Variants in CPSF3 observed in about 807,000 individuals in gnomAD.
CPSF3 encodes cleavage and polyadenylation specificity factor subunit 3.
A neutral mutation model predicts 84.1 loss-of-function variants in CPSF3; 57 were observed. That is an observed-to-expected ratio of 0.68 (90% CI 0.55 to 0.85). The LOEUF is 0.85. Among genes scored for constraint, CPSF3 ranks in the 40% least tolerant of loss-of-function variants. The probability of loss-of-function intolerance (pLI) is 0.00; values close to 1 mark genes in which losing one functional copy is unlikely to be tolerated. For synonymous variants in CPSF3, 275 were observed against 278.1 expected (o/e 0.99, Z 0.11); for missense variants, 522 against 838.8 (o/e 0.62, Z 4.66).
rs1280669799 is a variant in CPSF3 at position 9,446,620 on chromosome 2, A to G, written c.1243-1578A>G. On this transcript the variant is annotated intron_variant, in intron 10 of 17. Coordinates refer to ENST00000238112, the MANE Select transcript of CPSF3 (RefSeq NM_016207.4). ...AAAAAAGTATAAAAATTAGGTAGGC[A>G]TGGTGGTTCACACCTGTATCCCAGC... is the stretch of plus-strand genomic sequence containing the variant. Among the ~76,000 whole-genome samples, 5 of 150,852 alleles carry G rather than the reference A, an allele frequency of 3.3e-5. No homozygotes were observed. The South Asian group carries it at 6.3e-4, about 19-fold the overall frequency.
chr2:9,436,992 T>G (rs1572774489), intron 7 of CPSF3, among the ~76,000 whole-genome samples: 1 of 152,172 alleles, frequency 6.6e-6, no homozygotes, highest in African/African-American at 2.4e-5. Context: ...CATTTTAGTA[T>G]TTTCAAAGAA....
intron 11 of CPSF3, among the ~76,000 whole-genome samples, chr2:9,449,801 A>G (rs1208648128): frequency 6.6e-6 from 1 of 152,204 alleles, no homozygotes; most frequent in Non-Finnish European, 1.5e-5. Flanking sequence ...TTCAGAATTT[A>G]AAGTTGAAAT....
rs138365236 is a variant in CPSF3 at position 9,429,865 on chromosome 2, C to G, written c.115-58C>G. On this transcript the variant is annotated intron_variant, in intron 2 of 17. Transcript: ENST00000238112. Reference sequence around the variant, plus strand: ...GGAACTAGAATTATTGCCTATTTGCCGAATGAATTTTAATAAAATGTGCAG... The same window carrying G: ...GGAACTAGAATTATTGCCTATTTGCGGAATGAATTTTAATAAAATGTGCAG... 6.5e-5 allele frequency: 77 copies of G among 1,190,452 alleles called. 1 individual carries two copies. The Middle Eastern group carries it at 7.7e-4, about 12-fold the overall frequency. The allele number at this position is 1,190,452 out of a possible 1,614,324, so 73.7% of individuals were successfully genotyped here. A position where few individuals can be genotyped will look rare whatever the true frequency, so the allele number is the denominator to read the frequency against.
chr2:9,440,397 G>T, intron 7 of CPSF3, 94 bp from the exon 8 acceptor site: 1 of 956,862 alleles, frequency 1.0e-6, no homozygotes, highest in South Asian at 1.7e-5. Context: ...TTGGTTGTAT[G>T]TGTATCATTT....
At position 9,456,941 on chromosome 2, in the gene CPSF3, G is replaced by T; in HGVS notation, c.1612G>T (p.Glu538Ter). The change falls in exon 14 of 18, where the codon GAA becomes TAA. Residue 538 changes from glutamate to a stop codon, truncating the protein, a stop_gained. Coordinates refer to ENST00000238112, the MANE Select transcript of CPSF3 (RefSeq NM_016207.4). LOFTEE classifies it high-confidence loss of function. The stretch of plus-strand genomic sequence containing the variant: ...TTATGTCTTTCTTTCAGGTGATGTG[G>T]AAGAATTAGAAATTCAAGAAAAACC... The part of the protein sequence containing the change: ...YQLQKLTGDV[E>*]ELEIQEKPAL... 6.3e-7 allele frequency: 1 copy of T among 1,575,734 alleles called. No individual in the cohort carries two copies. Among genetic ancestry groups the T allele is most frequent in the Non-Finnish European group, 8.7e-7 (1 of 1,153,050 alleles).
At chr2:9,465,792 T>TTATA (rs1480003613) in intron 15 of CPSF3, among the ~76,000 whole-genome samples, 5 of 152,168 alleles carry the variant, frequency 3.3e-5, no homozygotes, top group African/African-American at 4.8e-5. Context: ...CTTCTCTTCA[T>TTATA]TATATTCTGA....
chr2:9,451,229 G>T (rs1681319072), intron 11 of CPSF3, among the ~76,000 whole-genome samples: 1 of 152,108 alleles, frequency 6.6e-6, no homozygotes, highest in African/African-American at 2.4e-5. Context: ...GTACATCACT[G>T]TATTAAAATT....
rs773786961 is a variant in CPSF3, at chr2:9,467,735, A to G, written c.1815A>G (p.Leu605=). Residue 605 remains leucine, a synonymous_variant, in exon 16 of 18, where the codon TTA becomes TTG. Coordinates refer to ENST00000238112, the MANE Select transcript of CPSF3 (RefSeq NM_016207.4). The stretch of plus-strand genomic sequence containing the variant: ...CAGTACAGAAGGTTTCTAAAAAATT[A>G]GAAATGCACGTTTACAGCAAGAGGT... ...KGAVQKVSKK[L]EMHVYSKRLE... The G allele has an allele frequency of 4.3e-6, 7 of 1,613,490 alleles. No homozygotes were observed. The highest frequency in any genetic ancestry group is 5.9e-6 in the Non-Finnish European group (7 of 1,179,596).
chr2:9,428,667 C>G lies in CPSF3; in HGVS notation c.51-98C>G, dbSNP rs970334105. 3 of 739,706 alleles carry G rather than the reference C, an allele frequency of 4.1e-6. No individual in the cohort carries two copies. The African/African-American group carries it at 5.3e-5, about 13-fold the overall frequency. The allele number at this position is 739,706 out of a possible 1,614,324, so 45.8% of individuals were successfully genotyped here. A position where few individuals can be genotyped will look rare whatever the true frequency, so the allele number is the denominator to read the frequency against. The stretch of plus-strand genomic sequence containing the variant: ...GAATTTTTCAGTGAGGTGCTGTCAT[C>G]AGATGGCATGTAGTGTACATTGTAA... On this transcript the variant is annotated intron_variant, in intron 1 of 17. Coordinates refer to ENST00000238112, the MANE Select transcript of CPSF3 (RefSeq NM_016207.4).
intron 10 of CPSF3, among the ~76,000 whole-genome samples, chr2:9,444,140 T>TTATA (rs377440396): frequency 9.2e-4 from 119 of 129,880 alleles, no homozygotes; most frequent in African/African-American, 2.6e-3. Context: ...AATATATATA[T>TTATA]TATATATATA....
At chr2:9,437,142 G>A (rs548103980) in intron 7 of CPSF3, among the ~76,000 whole-genome samples, 7 of 152,214 alleles carry the variant, frequency 4.6e-5, no homozygotes, top group South Asian at 2.1e-4. Context: ...GGTGGCTCAC[G>A]CCTGTAATCC....
intron 12 of CPSF3, among the ~76,000 whole-genome samples, chr2:9,453,540 C>A (rs1485702450): frequency 6.6e-6 from 1 of 151,996 alleles, no homozygotes; most frequent in Non-Finnish European, 1.5e-5. Context: ...TAAGTAACAC[C>A]AACTATATAA....
intron 15 of CPSF3, among the ~76,000 whole-genome samples, chr2:9,466,272 ACG>A (rs796313532): frequency 2.3e-4 from 10 of 43,614 alleles, no homozygotes; most frequent in South Asian, 6.3e-4. Flanking sequence ...ACAAAGACGC[ACG>A]CACACACGTG....
At chr2:9,447,934 G>GT (rs1681181490) in intron 10 of CPSF3, among the ~76,000 whole-genome samples, 1 of 152,202 alleles carries the variant, frequency 6.6e-6, no homozygotes, top group African/African-American at 2.4e-5. Flanking sequence ...GAAAAGGCGT[G>GT]TATCTCATTA....
At chr2:9,423,949 T>C in intron 1 of CPSF3, 126 bp downstream of exon 1, 4 of 1,478,328 alleles carry the variant, frequency 2.7e-6, no homozygotes, top group Non-Finnish European at 3.6e-6. Context: ...GGTCCGCGCT[T>C]GCGGGCCAGG....
intron 16 of CPSF3, 92 bp downstream of exon 16, chr2:9,467,868 G>T: frequency 9.8e-7 from 1 of 1,017,402 alleles, no homozygotes; most frequent in Non-Finnish European, 1.5e-6. Flanking sequence ...GGACTGGGGC[G>T]TGGCTCTGGC....
chr2:9,465,577 A>T (rs1378011392), intron 15 of CPSF3, among the ~76,000 whole-genome samples: 1 of 151,702 alleles, frequency 6.6e-6, no homozygotes, highest in Non-Finnish European at 1.5e-5. Flanking sequence ...GCGCGCGTTT[A>T]TATATAAAAA....
chr2:9,429,774 C>T (rs570148297), intron 2 of CPSF3, 149 bp from the exon 3 acceptor site: 1 of 548,596 alleles, frequency 1.8e-6, no homozygotes, highest in East Asian at 3.6e-5. Flanking sequence ...GGCATATTTG[C>T]CACATTTAAT....
intron 14 of CPSF3, among the ~76,000 whole-genome samples, chr2:9,457,614 A>T (rs1681576248): frequency 1.3e-5 from 2 of 152,280 alleles, no homozygotes; most frequent in Non-Finnish European, 2.9e-5. Context: ...GGCACCTATT[A>T]AGTTTAAAGA....
Sources: allele counts gnomAD v4.1 joint callset (sites outside exome capture counted in the v4.1 genomes callset), GRCh38; gene constraint gnomAD v4.1.1; transcripts MANE v1.5; gene names NCBI Gene and HGNC (gene_info 2026-07-23, HGNC 2026-07-21).